The following MSTO1 variants were observed in gnomAD, a reference collection of about 807,000 sequenced individuals.
The protein encoded by MSTO1 is protein misato homolog 1.
A neutral mutation model predicts 55.7 loss-of-function variants in MSTO1; 24 were observed. The observed-to-expected ratio is 0.43, with a 90% CI of 0.31 to 0.61. MSTO1 has a LOEUF of 0.61. Among genes scored for constraint, MSTO1 ranks in the 20% least tolerant of loss-of-function variants. MSTO1 has a pLI of 0.09. For missense variants in MSTO1, 363 were observed against 625.7 expected, an observed-to-expected ratio of 0.58 and a Z score of 4.48; for synonymous variants, 162 against 252.8, an observed-to-expected ratio of 0.64 and a Z score of 3.41.
chr1:155,566,074 T>TTCC, the MSTO1 span: 1 of 152,224 alleles, frequency 6.6e-6, no homozygotes, highest in Admixed American at 6.5e-5. Context: ...CATGCTTGTG[T>TTCC]TCCTTTTCAG....
chr1:155,613,231 A>G lies in MSTO1; in HGVS notation c.1281A>G (p.Thr427=). The G allele has an allele frequency of 1.2e-6, 2 of 1,613,192 alleles. No homozygotes were observed. The highest frequency in any genetic ancestry group is 1.7e-6 in the Non-Finnish European group (2 of 1,179,374). Residue 427 remains threonine, a splice_region_variant and synonymous_variant, in exon 11 of 14, where the codon ACA becomes ACG. Coordinates refer to ENST00000245564, the MANE Select transcript of MSTO1 (RefSeq NM_018116.4). ...VLRGIDRACH[T]SQLTPGTPPP... is the part of the protein sequence containing the mutation. ...GGGGTATAGACAGAGCATGCCACACAAGGTGAGAGCTGTTGGTCCTTAGGA... is the reference window on the plus strand; with the variant it reads ...GGGGTATAGACAGAGCATGCCACACGAGGTGAGAGCTGTTGGTCCTTAGGA...
upstream of MSTO1, among the ~76,000 whole-genome samples, chr1:155,609,231 ATATATATATATAT>A (rs1673237318): frequency 2.1e-5 from 1 of 46,720 alleles, no homozygotes. Context: ...ATATATATAT[ATATATATATATAT>A]TTTTTTTTTT....
At chr1:155,594,402 G>T in the MSTO1 span, among the ~76,000 whole-genome samples, 14 of 152,030 alleles carry the variant, frequency 9.2e-5, no homozygotes, top group African/African-American at 3.4e-4. Flanking sequence ...CTCTCAAAAA[G>T]AAAATTAAGT....
chr1:155,605,553 C>T (rs1033768779), upstream of MSTO1, among the ~76,000 whole-genome samples: 28 of 152,290 alleles, frequency 1.8e-4, no homozygotes, highest in African/African-American at 6.5e-4. Flanking sequence ...TCACTCCTGT[C>T]ATCCCAGAAC....
chr1:155,608,496 C>CTTT (rs769788957), upstream of MSTO1, among the ~76,000 whole-genome samples: 382 of 132,746 alleles, frequency 2.9e-3, 1 homozygote, highest in Non-Finnish European at 4.4e-3. Context: ...TGCCTTATCT[C>CTTT]TTTTTTTTTT....
chr1:155,572,042 C>CAA, the MSTO1 span, among the ~76,000 whole-genome samples: 6 of 77,778 alleles, frequency 7.7e-5, no homozygotes, highest in Admixed American at 1.4e-4. Flanking sequence ...ACTCTTGTCT[C>CAA]AAAAAAAAAA....
chr1:155,575,650 C>G, the MSTO1 span, among the ~76,000 whole-genome samples: 1 of 151,876 alleles, frequency 6.6e-6, no homozygotes, highest in Non-Finnish European at 1.5e-5. Flanking sequence ...CATTATGTTA[C>G]CCAGGCTGGT....
At chr1:155,567,794 G>A in the MSTO1 span, among the ~76,000 whole-genome samples, 1 of 151,408 alleles carries the variant, frequency 6.6e-6, no homozygotes, top group Non-Finnish European at 1.5e-5. Flanking sequence ...CCACACTTTG[G>A]GAGGCCAAGG....
chr1:155,603,519 G>A, the MSTO1 span, among the ~76,000 whole-genome samples: 1 of 152,134 alleles, frequency 6.6e-6, no homozygotes, highest in Admixed American at 6.5e-5. Context: ...CATAAAGATT[G>A]AATAGCACGA....
chr1:155,612,350 A>G (rs769216992), intron 8 of MSTO1, 34 bp downstream of exon 8: 2 of 1,579,296 alleles, frequency 1.3e-6, no homozygotes, highest in East Asian at 4.5e-5. Flanking sequence ...ACAGTCACAC[A>G]GTGGGGAGGG....
rs768201432 is a variant in MSTO1 at position 155,611,514 on chromosome 1, T to C, written c.367-35T>C. ...AAGCAACCTTTGCCTCTAAACTGCC[T>C]GGAACTAAATGTCGATTTTTCTGAC... On this transcript the variant is annotated intron_variant, in intron 4 of 13. Coordinates refer to ENST00000245564, the MANE Select transcript of MSTO1 (RefSeq NM_018116.4). The C allele has an allele frequency of 4.3e-6, 7 of 1,613,500 alleles. No individual in the cohort carries two copies. In the African/African-American group the frequency reaches 9.4e-5, roughly 22 times the overall value.
upstream of MSTO1, among the ~76,000 whole-genome samples, chr1:155,607,790 C>T (rs1390915565): frequency 1.3e-5 from 2 of 152,166 alleles, no homozygotes; most frequent in Non-Finnish European, 2.9e-5. Context: ...ATCGCTTGAG[C>T]TCAGGAGACC....
rs768171167 is a variant in MSTO1 at position 155,613,548 on chromosome 1, A to G, written c.1370A>G (p.Gln457Arg). The G allele has an allele frequency of 6.2e-7, 1 of 1,612,432 alleles. No individual in the cohort carries two copies. The highest frequency in any genetic ancestry group is 8.5e-7 in the Non-Finnish European group (1 of 1,179,180). The part of the protein sequence containing the change: ...EEILAQYLQQ[Q>R]QPGVMSSSHL... ...ATCTTGGCTCAGTATTTACAACAGC[A>G]GCAGCCTGGAGTCATGAGGTCAGTG... Residue 457 changes from glutamine (Q) to arginine (R), a missense_variant, in exon 12 of 14, where the codon CAG (glutamine) becomes CGG (arginine). Gln to Arg is a conservative substitution (Grantham distance 43). Around this residue, in one of 3 missense-constraint regions of MSTO1, gnomAD observed 231 missense variants for 286.9 expected, o/e 0.81. Transcript: ENST00000245564.
At chr1:155,582,522 C>T in the MSTO1 span, among the ~76,000 whole-genome samples, 3 of 151,634 alleles carry the variant, frequency 2.0e-5, no homozygotes, top group Admixed American at 6.6e-5. Flanking sequence ...TGCAGTGGCA[C>T]GATCTCGGCT....
the MSTO1 span, among the ~76,000 whole-genome samples, chr1:155,584,497 C>T: frequency 6.6e-6 from 1 of 151,644 alleles, no homozygotes; most frequent in African/African-American, 2.4e-5. Flanking sequence ...GAAGGCTTAT[C>T]TCTACCAATA....
Position 155,610,355 on chromosome 1 carries a change from C to T in MSTO1, c.84+23C>T, listed in dbSNP as rs537572281. ...CAGGTGAGGTCAGCCGGCAGCTGCC[C>T]CCGAGGAGCCCTTCGGGATCTACAG... On this transcript the variant is annotated intron_variant, in intron 1 of 13. Transcript: ENST00000245564. 3.9e-4 allele frequency: 327 copies of T among 828,266 alleles called. 1 individual carries two copies. In the African/African-American group the frequency reaches 5.3e-3, roughly 13 times the overall value. The allele number at this position is 828,266 out of a possible 1,614,324, so 51.3% of individuals were successfully genotyped here.
At chr1:155,565,406 A>G in the MSTO1 span, among the ~76,000 whole-genome samples, 14 of 152,318 alleles carry the variant, frequency 9.2e-5, no homozygotes, top group Middle Eastern at 3.4e-3. Context: ...CCAGGGGAAC[A>G]CGTATTCCTG....
chr1:155,601,379 C>T, the MSTO1 span, among the ~76,000 whole-genome samples: 51 of 152,032 alleles, frequency 3.4e-4, 1 homozygote, highest in African/African-American at 1.0e-3. Context: ...TCAAGTGATC[C>T]GCCCGACTTG....
chr1:155,580,477 G>A, the MSTO1 span, among the ~76,000 whole-genome samples: 2 of 152,188 alleles, frequency 1.3e-5, no homozygotes, highest in East Asian at 1.9e-4. Context: ...CGAGGTTGCA[G>A]TGAGCCGTGA....
Sources: gnomAD v4.1 joint callset for allele counts (sites outside exome capture counted in the v4.1 genomes callset) on GRCh38, gnomAD v4.1.1 for gene constraint, gnomAD v4.1.1 regional missense constraint, MANE v1.5 for transcripts, NCBI Gene and HGNC (gene_info 2026-07-23, HGNC 2026-07-21) for gene names.